The following THOC6 variants were observed in gnomAD, a reference collection of about 807,000 sequenced individuals.
THOC6 encodes the protein THO complex subunit 6, also known as THO complex 6.
In THOC6, 39 loss-of-function variants were observed where a neutral mutation model predicts 55.8. The observed-to-expected ratio is 0.70, with a 90% CI of 0.54 to 0.91. The LOEUF is 0.91. Ranked by LOEUF, THOC6 falls within the 40% of genes least tolerant of loss-of-function variation. THOC6 has a pLI of 0.00. For missense variants in THOC6, 482 were observed against 442.0 expected (o/e 1.09, Z -0.81); for synonymous variants, 192 against 175.6 (o/e 1.09, Z -0.74).
intron 1 of THOC6, among the ~76,000 whole-genome samples, chr16:3,024,930 C>T (rs1404192641): frequency 4.8e-5 from 7 of 146,446 alleles, no homozygotes; most frequent in East Asian, 2.0e-4. Context: ...CCACCACGCC[C>T]GGCCAAATTT....
chr16:3,025,267 C>CA (rs1260978555), intron 1 of THOC6, among the ~76,000 whole-genome samples: 1 of 152,114 alleles, frequency 6.6e-6, no homozygotes, highest in African/African-American at 2.4e-5. Flanking sequence ...TTTTTTGAGA[C>CA]AGAGTCTCAC....
rs1396897096 is a variant in THOC6 at position 3,024,161 on chromosome 16, G to A, written c.-166G>A. 5 of 808,040 alleles carry A rather than the reference G, an allele frequency of 6.2e-6. No individual in the cohort carries two copies. In the African/African-American group the frequency reaches 6.8e-5, roughly 11 times the overall value. 50.1% of individuals were successfully genotyped at this position (808,040 alleles called of 1,614,324 possible). ...CGGTGGACACCACTTCTTAATGTCG[G>A]GGGTCTTCGCGGCGCTCACCTCGGC... On this transcript the variant is annotated 5_prime_UTR_variant, in exon 1 of 13. Transcript: ENST00000326266.
At chr16:3,025,005 C>T (rs2072748856) in intron 1 of THOC6, among the ~76,000 whole-genome samples, 1 of 144,566 alleles carries the variant, frequency 6.9e-6, no homozygotes, top group Non-Finnish European at 1.5e-5. Context: ...TGCAGTGGCT[C>T]CATCTGGGTT....
At position 3,027,650 on chromosome 16, in the gene THOC6, CCTT is replaced by C. The variant is rs1170479937; in HGVS notation, c.1022_1024del (p.Phe341del). 4.3e-6 allele frequency: 7 copies of C among 1,614,046 alleles called. No individual in the cohort carries two copies. The highest frequency in any genetic ancestry group is 5.9e-6 in the Non-Finnish European group (7 of 1,179,960). ...CTGGGTTACCGAGCCTTCTCCCTGT[CCTT>C]CTGATCTCTGACGACACCCCCAGCC... On this transcript the variant is annotated inframe_deletion, in exon 13 of 13. Coordinates refer to ENST00000326266, the MANE Select transcript of THOC6 (RefSeq NM_024339.5).
At chr16:3,025,037 G>C (rs536206956) in intron 1 of THOC6, among the ~76,000 whole-genome samples, 1 of 146,086 alleles carries the variant, frequency 6.8e-6, no homozygotes, top group South Asian at 2.1e-4. Flanking sequence ...CCGCCTCCCA[G>C]ATTCAAGCAA....
At chr16:3,025,468 C>T (rs915913432) in intron 1 of THOC6, among the ~76,000 whole-genome samples, 1 of 152,268 alleles carries the variant, frequency 6.6e-6, no homozygotes, top group Non-Finnish European at 1.5e-5. Context: ...CAGGAGAGGC[C>T]TGGGTGCTTG....
At position 3,026,852 on chromosome 16, in the gene THOC6, GT is replaced by G. The variant is rs1319045656; in HGVS notation, c.587-13del. 3 of 1,614,096 alleles carry G rather than the reference GT, an allele frequency of 1.9e-6. No individual in the cohort carries two copies. The highest frequency in any genetic ancestry group is 2.5e-6 in the Non-Finnish European group (3 of 1,180,044). Reference sequence around the variant, plus strand: ...TGAGGCAAGTGGGGCACCACTCACAGTTCTTTCCCCGCAGACCTGCGCACAG... The same window carrying G: ...TGAGGCAAGTGGGGCACCACTCACAGTCTTTCCCCGCAGACCTGCGCACAG... On this transcript the variant is annotated splice_polypyrimidine_tract_variant and intron_variant, in intron 8 of 12. Transcript: ENST00000326266.
chr16:3,024,758 C>G (rs532072472), intron 1 of THOC6, among the ~76,000 whole-genome samples: 53 of 151,164 alleles, frequency 3.5e-4, no homozygotes, highest in African/African-American at 1.3e-3. Context: ...CCTCAGCCCT[C>G]CAAGTAGCTG....
At chr16:3,024,576 C>G (rs1447221267) in intron 1 of THOC6, among the ~76,000 whole-genome samples, 1 of 144,636 alleles carries the variant, frequency 6.9e-6, no homozygotes, top group Non-Finnish European at 1.5e-5. Flanking sequence ...GTACGTTTTT[C>G]TATGTTGGGG....
In THOC6 at chr16:3,026,362, C is replaced by A; in HGVS notation, c.363-3C>A. ...CTCACTGACCTTGCCTTTCCTTCCC[C>A]AGGACCAGCCTGGAAGTGCCTGAGA... On this transcript the variant is annotated splice_polypyrimidine_tract_variant and splice_region_variant and intron_variant, in intron 5 of 12. Transcript: ENST00000326266. 1 of 1,614,026 alleles carries A rather than the reference C, an allele frequency of 6.2e-7. No individual in the cohort carries two copies. The highest frequency in any genetic ancestry group is 1.3e-5 in the African/African-American group (1 of 75,000).
At position 3,027,205 on chromosome 16, in the gene THOC6, C is replaced by T. The variant is rs1247663250; in HGVS notation, c.735C>T (p.His245=). Reference sequence around the variant, plus strand: ...GGGGCCCAGCCCTCACCCTCTGGCACCTCCGATCCTCCACACCCACCACCA... The same window carrying T: ...GGGGCCCAGCCCTCACCCTCTGGCATCTCCGATCCTCCACACCCACCACCA... ...CGGGPALTLW[H]LRSSTPTTIF... The change falls in exon 11 of 13, where the codon CAC becomes CAT. Residue 245 remains histidine, a synonymous_variant. Transcript: ENST00000326266. 1 of 1,614,032 alleles carries T rather than the reference C, an allele frequency of 6.2e-7. No homozygotes were observed. Among genetic ancestry groups the T allele is most frequent in the Non-Finnish European group, 8.5e-7 (1 of 1,180,036 alleles).
In THOC6 at chr16:3,025,910, C is replaced by T. The variant is rs369153328; in HGVS notation, c.156-14C>T. On this transcript the variant is annotated splice_polypyrimidine_tract_variant and intron_variant, in intron 2 of 12. Coordinates refer to ENST00000326266, the MANE Select transcript of THOC6 (RefSeq NM_024339.5). The stretch of plus-strand genomic sequence containing the variant: ...CCGTTTCTGACTCCTGGGTCCCCTC[C>T]GCTGTCCCTGCAGCTTGTCCTCTGC... The T allele has an allele frequency of 2.7e-4, 428 of 1,614,102 alleles. No homozygotes were observed. Among genetic ancestry groups the T allele is most frequent in the East Asian group, 3.6e-4 (16 of 44,898 alleles).
In THOC6 at chr16:3,026,097, C is replaced by T. The variant is rs765460462; in HGVS notation, c.255C>T (p.Thr85=). The change falls in exon 4 of 13, where the codon ACC becomes ACT. Residue 85 remains threonine, a synonymous_variant. Coordinates refer to ENST00000326266, the MANE Select transcript of THOC6 (RefSeq NM_024339.5). ...HDGPVYSMVS[T]DRHLLSAGDG... is the part of the protein sequence containing the mutation. ...GGCCCGTCTATAGCATGGTTTCCAC[C>T]GATCGACATCTGCTTAGTGCTGGGG... 65 of 1,609,094 alleles carry T rather than the reference C, an allele frequency of 4.0e-5. 1 individual carries two copies. The highest frequency in any genetic ancestry group is 3.3e-4 in the South Asian group (30 of 90,798).
In THOC6 at chr16:3,026,050, C is replaced by T. The variant is rs748737116; in HGVS notation, c.221-13C>T. On this transcript the variant is annotated splice_polypyrimidine_tract_variant and intron_variant, in intron 3 of 12. Transcript: ENST00000326266. ...GGTGGGATTGGCTCACTCAGTTCTG[C>T]ATTTCTCTTTAGCCCATGATGGGCC... The T allele has an allele frequency of 2.5e-6, 4 of 1,613,650 alleles. No homozygotes were observed. The highest frequency in any genetic ancestry group is 3.4e-6 in the Non-Finnish European group (4 of 1,179,638).
intron 1 of THOC6, among the ~76,000 whole-genome samples, chr16:3,024,937 A>ATTT (rs35849212): frequency 2.6e-4 from 27 of 102,350 alleles, no homozygotes; most frequent in African/African-American, 7.9e-4. Context: ...GCCCGGCCAA[A>ATTT]TTTTTTTTTT....
Position 3,026,711 on chromosome 16 carries a change from CT to C in THOC6, c.517del (p.Cys173AlafsTer98). The part of the protein sequence containing the change: ...VLRGHTDYIH[C>X]LALRERSPEV... Reference sequence around the variant, plus strand: ...TCCGGGGCCACACAGACTACATCCACTGCCTGGCACTGCGGGAAAGGAGCCC... The same window carrying C: ...TCCGGGGCCACACAGACTACATCCACGCCTGGCACTGCGGGAAAGGAGCCC... On this transcript the variant is annotated frameshift_variant, in exon 8 of 13. Transcript: ENST00000326266. LOFTEE classifies it high-confidence loss of function. The C allele has an allele frequency of 2.5e-6, 4 of 1,613,834 alleles. No individual in the cohort carries two copies. The South Asian group carries it at 4.4e-5, about 18-fold the overall frequency.
At position 3,027,562 on chromosome 16, in the gene THOC6, C is replaced by G. The variant is rs370741248; in HGVS notation, c.946-15C>G. 6.2e-7 allele frequency: 1 copy of G among 1,613,470 alleles called. No homozygotes were observed. The highest frequency in any genetic ancestry group is 8.5e-7 in the Non-Finnish European group (1 of 1,179,856). On this transcript the variant is annotated splice_polypyrimidine_tract_variant and intron_variant, in intron 12 of 12. Transcript: ENST00000326266. Reference sequence around the variant, plus strand: ...AGGGGTGTGGGCAGGCCAGTCATGCCCCTCTTTCCTCCAGGTCCTGACAGC... The same window carrying G: ...AGGGGTGTGGGCAGGCCAGTCATGCGCCTCTTTCCTCCAGGTCCTGACAGC...
chr16:3,027,084 C>A lies in THOC6; in HGVS notation c.699+11C>A. 1 of 1,614,174 alleles carries A rather than the reference C, an allele frequency of 6.2e-7. No individual in the cohort carries two copies. The highest frequency in any genetic ancestry group is 8.5e-7 in the Non-Finnish European group (1 of 1,180,024). ...GATTCCGACTGGATGGTGAGCTGGG[C>A]AGACTGTGGGATGGGATGGCAGCTC... On this transcript the variant is annotated intron_variant, in intron 10 of 12. Transcript: ENST00000326266.
In THOC6 at chr16:3,026,528, A is replaced by C. The variant is rs1236377921; in HGVS notation, c.424A>C (p.Ile142Leu). The change falls in exon 7 of 13, where the codon ATC (isoleucine) becomes CTC (leucine). Residue 142 changes from isoleucine to leucine, a missense_variant. Coordinates refer to ENST00000326266, the MANE Select transcript of THOC6 (RefSeq NM_024339.5). ...LLLVPKENSLILAGGDCQLHT... is the reference protein window; with the variant it reads ...LLLVPKENSLLLAGGDCQLHT... Reference sequence around the variant, plus strand: ...TGCTCCTCCACAGGAGAATTCCCTCATCCTGGCTGGGGGAGACTGTCAGTT... The same window carrying C: ...TGCTCCTCCACAGGAGAATTCCCTCCTCCTGGCTGGGGGAGACTGTCAGTT... The C allele has an allele frequency of 6.2e-7, 1 of 1,613,962 alleles. No homozygotes were observed. Among genetic ancestry groups the C allele is most frequent in the Non-Finnish European group, 8.5e-7 (1 of 1,179,982 alleles).
Sources: allele counts gnomAD v4.1 joint callset (sites outside exome capture counted in the v4.1 genomes callset), GRCh38; gene constraint gnomAD v4.1.1; transcripts MANE v1.5; gene names NCBI Gene and HGNC (gene_info 2026-07-23, HGNC 2026-07-21).